The following LVRN variants were observed in gnomAD, a reference collection of about 807,000 sequenced individuals.
LVRN encodes laeverin, also known as aminopeptidase Q.
A neutral mutation model predicts 111.4 loss-of-function variants in LVRN; 99 were observed. The ratio of observed to expected loss-of-function variants is 0.89; its 90% CI spans 0.76 to 1.05. The LOEUF (loss-of-function observed/expected upper bound fraction) is 1.05, where lower values mean the gene tolerates loss of function less well. Among genes scored for constraint, LVRN ranks in the 50% least tolerant of loss-of-function variants. The pLI, the probability that LVRN is intolerant of heterozygous loss-of-function variation, is 0.00. For missense variants in LVRN, 1,414 were observed against 1,206.8 expected, an observed-to-expected ratio of 1.17 and a Z score of -2.54; for synonymous variants, 488 against 449.5, an observed-to-expected ratio of 1.09 and a Z score of -1.08.
Position 115,963,071 on chromosome 5 carries a change from G to T in LVRN, c.454G>T (p.Asp152Tyr), listed in dbSNP as rs769878849. ...SRLLLHSLFQ[D>Y]CERAEVRGPL... The stretch of plus-strand genomic sequence containing the variant: ...ACTGCTGCTGCATAGCCTCTTCCAG[G>T]ACTGCGAGCGCGCCGAGGTGCGGGG... Residue 152 changes from aspartate to tyrosine, a missense_variant, in exon 1 of 20, where the codon GAC becomes TAC. Coordinates refer to ENST00000357872, the MANE Select transcript of LVRN (RefSeq NM_173800.5). The T allele has an allele frequency of 1.2e-6, 2 of 1,613,380 alleles. No individual in the cohort carries two copies. The highest frequency in any genetic ancestry group is 3.3e-5 in the Admixed American group (2 of 60,008).
chr5:115,965,066 C>G (rs753148630), intron 1 of LVRN, among the ~76,000 whole-genome samples: 10 of 152,166 alleles, frequency 6.6e-5, no homozygotes, highest in Non-Finnish European at 1.3e-4. Flanking sequence ...AGTCTGTTTC[C>G]TCATTCACGG....
chr5:116,022,060 A>G (rs1748741583), intron 18 of LVRN: 1 of 225,570 alleles, frequency 4.4e-6, no homozygotes, highest in Non-Finnish European at 8.7e-6. Flanking sequence ...GGCATAATTT[A>G]TATATTTATT....
At chr5:115,997,462 AAGACC>A (rs1208981564) in intron 6 of LVRN, among the ~76,000 whole-genome samples, 1 of 152,118 alleles carries the variant, frequency 6.6e-6, no homozygotes, top group East Asian at 1.9e-4. Flanking sequence ...TCAGGAGTTT[AAGACC>A]AGCCTGGGCA....
intron 13 of LVRN, among the ~76,000 whole-genome samples, chr5:116,008,479 G>A (rs967656838): frequency 6.6e-6 from 1 of 152,138 alleles, no homozygotes; most frequent in Non-Finnish European, 1.5e-5. Flanking sequence ...GTTTAGTGAG[G>A]AAGGCATGTT....
At chr5:115,972,862 A>G (rs2112556526) in intron 1 of LVRN, among the ~76,000 whole-genome samples, 1 of 152,224 alleles carries the variant, frequency 6.6e-6, no homozygotes. Flanking sequence ...AGATGATTAT[A>G]TAGTTTTTAT....
At chr5:115,975,194 G>A (rs1387519614) in intron 1 of LVRN, 1 of 478,846 alleles carries the variant, frequency 2.1e-6, no homozygotes, top group South Asian at 1.6e-5. Flanking sequence ...TGCCTGTCTG[G>A]GCGCACATCT....
At chr5:115,995,501 T>G (rs1748088832) in intron 6 of LVRN, 1 of 152,156 alleles carries the variant, frequency 6.6e-6, no homozygotes, top group Non-Finnish European at 1.5e-5. Flanking sequence ...TGGAGGAAAG[T>G]TTGGACGTCA....
intron 1 of LVRN, among the ~76,000 whole-genome samples, chr5:115,971,675 A>T (rs1268902891): frequency 6.6e-6 from 1 of 152,012 alleles, no homozygotes. Flanking sequence ...CTATTGATCC[A>T]TTTGTGTATT....
At chr5:115,971,988 T>G (rs56035774) in intron 1 of LVRN, among the ~76,000 whole-genome samples, 1 of 152,124 alleles carries the variant, frequency 6.6e-6, no homozygotes, top group Non-Finnish European at 1.5e-5. Flanking sequence ...TTAGGTCTTC[T>G]TTACTCAGTT....
At chr5:115,971,054 T>C (rs1325383431) in intron 1 of LVRN, among the ~76,000 whole-genome samples, 2 of 152,264 alleles carry the variant, frequency 1.3e-5, no homozygotes, top group Non-Finnish European at 2.9e-5. Flanking sequence ...TCAGCCATTC[T>C]AATAGGTGTA....
At position 115,962,803 on chromosome 5, in the gene LVRN, C is replaced by A; in HGVS notation, c.186C>A (p.Leu62=). 1 of 1,611,884 alleles carries A rather than the reference C, an allele frequency of 6.2e-7. No homozygotes were observed. The highest frequency in any genetic ancestry group is 8.5e-7 in the Non-Finnish European group (1 of 1,179,116). ...TGGAAGCCGAGTCTTCCCCTCCCCT[C>A]AGGCAGAAGCCGACGCCAACCCCGA... ...RDLEAESSPP[L]RQKPTPTPKP... Residue 62 remains leucine, a synonymous_variant, in exon 1 of 20, where the codon CTC becomes CTA. Coordinates refer to ENST00000357872, the MANE Select transcript of LVRN (RefSeq NM_173800.5).
chr5:116,010,887 T>C lies in LVRN; in HGVS notation c.2240T>C (p.Leu747Ser), dbSNP rs1262072447. ...GTGAACATCTATGATATATACTCAT[T>C]ATTAAAGGTAATTTCATTCTTTCTT... ...SEVNIYDIYS[L>S]LKRYLLKRLN... The change falls in exon 14 of 20, where the codon TTA (leucine) becomes TCA (serine). Residue 747 changes from leucine to serine, a missense_variant. By Grantham distance (145) the Leu-to-Ser change is moderately radical. Transcript: ENST00000357872. 2 of 1,561,168 alleles carry C rather than the reference T, an allele frequency of 1.3e-6. No individual in the cohort carries two copies. The highest frequency in any genetic ancestry group is 1.7e-6 in the Non-Finnish European group (2 of 1,158,652).
intron 1 of LVRN, among the ~76,000 whole-genome samples, chr5:115,968,055 A>G (rs955854527): frequency 6.6e-6 from 1 of 152,116 alleles, no homozygotes; most frequent in Non-Finnish European, 1.5e-5. Flanking sequence ...TATTTCTTCA[A>G]TTTCAATCTA....
chr5:115,966,807 C>A (rs4920901), intron 1 of LVRN, among the ~76,000 whole-genome samples: 121,582 of 152,158 alleles, frequency 0.8, 48,780 homozygotes, highest in African/African-American at 0.84. Flanking sequence ...TCATGGCCAT[C>A]ATTTGGTATT....
At chr5:115,963,362 C>G (rs781664366) in intron 1 of LVRN, 50 bp downstream of exon 1, 5 of 1,453,866 alleles carry the variant, frequency 3.4e-6, no homozygotes, top group Non-Finnish European at 4.6e-6. Flanking sequence ...CCCTGCGTCC[C>G]GGTGCAGGCT....
intron 1 of LVRN, among the ~76,000 whole-genome samples, chr5:115,972,304 T>C (rs999490023): frequency 2.0e-5 from 3 of 152,050 alleles, no homozygotes; most frequent in African/African-American, 7.2e-5. Context: ...TTTCACTGTA[T>C]ATATCTTGCA....
intron 13 of LVRN, among the ~76,000 whole-genome samples, chr5:116,009,009 G>A (rs1748433629): frequency 6.6e-6 from 1 of 152,336 alleles, no homozygotes; most frequent in African/African-American, 2.4e-5. Context: ...TAGCTAGAGA[G>A]GACAAGTCAA....
chr5:115,978,776 T>G (rs1361695920), intron 1 of LVRN, among the ~76,000 whole-genome samples: 1 of 152,088 alleles, frequency 6.6e-6, no homozygotes, highest in Non-Finnish European at 1.5e-5. Context: ...TCTTTGCCTA[T>G]CTTGATAGCT....
intron 4 of LVRN, among the ~76,000 whole-genome samples, chr5:115,990,274 A>C (rs938994840): frequency 6.6e-6 from 1 of 152,160 alleles, no homozygotes; most frequent in Non-Finnish European, 1.5e-5. Flanking sequence ...TATATGCCAG[A>C]TTTCCTATGC....
Sources: gnomAD v4.1 joint callset for allele counts (sites outside exome capture counted in the v4.1 genomes callset) on GRCh38, gnomAD v4.1.1 for gene constraint, MANE v1.5 for transcripts, NCBI Gene and HGNC (gene_info 2026-07-23, HGNC 2026-07-21) for gene names.